Variants in SEC14L5 observed in about 807,000 individuals in gnomAD.
SEC14L5 encodes SEC14 like lipid binding 5, also known as SEC14-like protein 5.
A neutral mutation model predicts 84.6 loss-of-function variants in SEC14L5; 96 were observed. The ratio of observed to expected loss-of-function variants is 1.13; its 90% CI spans 0.96 to 1.34. The LOEUF (loss-of-function observed/expected upper bound fraction) is 1.34, where lower values mean the gene tolerates loss of function less well. Ranked by LOEUF, SEC14L5 falls within the 40% of genes most tolerant of loss-of-function variation. SEC14L5 has a pLI of 0.00. For missense variants in SEC14L5, 1,224 were observed against 942.5 expected (o/e 1.30, Z -3.91); for synonymous variants, 546 against 383.4 (o/e 1.42, Z -4.95).
At chr16:4,966,054 T>A (rs1218906589) in intron 2 of SEC14L5, among the ~76,000 whole-genome samples, 1 of 151,818 alleles carries the variant, frequency 6.6e-6, no homozygotes, top group African/African-American at 2.4e-5. Flanking sequence ...AAAATAAAAT[T>A]AAAAAAAATG....
intron 11 of SEC14L5, 42 bp from the exon 12 acceptor site, chr16:5,005,872 A>AAAGC (rs745510947): frequency 6.7e-7 from 1 of 1,498,948 alleles, no homozygotes; most frequent in African/African-American, 1.4e-5. Flanking sequence ...TCAAAAAAAA[A>AAAGC]AAAAAAAAAA....
intron 6 of SEC14L5, among the ~76,000 whole-genome samples, chr16:4,994,407 G>A (rs1384579620): frequency 6.6e-6 from 1 of 151,870 alleles, no homozygotes; most frequent in South Asian, 2.1e-4. Flanking sequence ...GCAGTGGTGT[G>A]ATCTCAGCTC....
intron 11 of SEC14L5, 92 bp from the exon 12 acceptor site, chr16:5,005,822 C>G: frequency 7.9e-7 from 1 of 1,259,404 alleles, no homozygotes. Flanking sequence ...CAAGATCATG[C>G]CACTGCACTC....
At chr16:4,984,529 C>A (rs910317925) in intron 2 of SEC14L5, among the ~76,000 whole-genome samples, 3 of 152,128 alleles carry the variant, frequency 2.0e-5, no homozygotes, top group Non-Finnish European at 2.9e-5. Context: ...CTTATGTTTT[C>A]ATTTCTCTTG....
In SEC14L5 at chr16:5,017,907, C is replaced by G. The variant is rs543384916; in HGVS notation, c.*2937C>G. 1 of 152,338 alleles carries G rather than the reference C, an allele frequency of 6.6e-6. No individual in the cohort carries two copies. The highest frequency in any genetic ancestry group is 2.1e-4 in the South Asian group (1 of 4,822). 9.4% of individuals were successfully genotyped at this position (152,338 alleles called of 1,614,324 possible). A position where few individuals can be genotyped will look rare whatever the true frequency, so the allele number is the denominator to read the frequency against. On this transcript the variant is annotated 3_prime_UTR_variant, in exon 16 of 16. Transcript: ENST00000251170. ...CCTGAGCCACAAAGGCTGGAAGTGC[C>G]TTGGCTTGGGCTTCTTGCATCATTA...
At position 5,007,477 on chromosome 16, in the gene SEC14L5, C is replaced by A; in HGVS notation, c.1563C>A (p.Ala521=). The change falls in exon 13 of 16, where the codon GCC becomes GCA. Residue 521 remains alanine (A), a synonymous_variant. Coordinates refer to ENST00000251170, the MANE Select transcript of SEC14L5 (RefSeq NM_014692.2). The part of the protein sequence containing the change: ...TYHSASVLRG[A]PHEVAVEILE... ...ATTCAGCCAGCGTGCTCCGCGGAGCCCCCCACGAGGTGCCAGGGCCTGGCC... is the reference window on the plus strand; with the variant it reads ...ATTCAGCCAGCGTGCTCCGCGGAGCACCCCACGAGGTGCCAGGGCCTGGCC... The A allele has an allele frequency of 1.2e-6, 2 of 1,613,362 alleles. No individual in the cohort carries two copies. Among genetic ancestry groups the A allele is most frequent in the African/African-American group, 1.3e-5 (1 of 75,062 alleles).
chr16:4,995,839 T>C (rs1350900437), intron 6 of SEC14L5, among the ~76,000 whole-genome samples: 1 of 152,110 alleles, frequency 6.6e-6, no homozygotes, highest in Non-Finnish European at 1.5e-5. Context: ...TTGGCCAGGC[T>C]GGTCCCAAAA....
At chr16:5,012,876 CAG>C (rs1955821292) in intron 15 of SEC14L5, among the ~76,000 whole-genome samples, 1 of 146,852 alleles carries the variant, frequency 6.8e-6, no homozygotes, top group African/African-American at 2.5e-5. Context: ...GCCTTGGCGA[CAG>C]AGCGAGACTG....
intron 15 of SEC14L5, among the ~76,000 whole-genome samples, chr16:5,011,689 GT>G (rs539224022): frequency 1.6e-3 from 243 of 152,262 alleles, no homozygotes; most frequent in Non-Finnish European, 2.8e-3. Flanking sequence ...AACTGTAATG[GT>G]TAAGACCTCC....
At chr16:5,012,650 A>G (rs886202863) in intron 15 of SEC14L5, among the ~76,000 whole-genome samples, 1 of 152,238 alleles carries the variant, frequency 6.6e-6, no homozygotes, top group Non-Finnish European at 1.5e-5. Flanking sequence ...CACGCCTGTA[A>G]TCCCAGCACT....
At chr16:5,002,534 C>T (rs1324231271) in intron 10 of SEC14L5, among the ~76,000 whole-genome samples, 2 of 151,996 alleles carry the variant, frequency 1.3e-5, no homozygotes, top group African/African-American at 2.4e-5. Flanking sequence ...TTTCTAAGGA[C>T]ACGTATGTTG....
rs1596652193 is a variant in SEC14L5, at chr16:5,018,521, G to A, written c.*3551G>A. 1 of 152,170 alleles carries A rather than the reference G, an allele frequency of 6.6e-6. No individual in the cohort carries two copies. The highest frequency in any genetic ancestry group is 2.4e-5 in the African/African-American group (1 of 41,406). The allele number at this position is 152,170 out of a possible 1,614,324, so 9.4% of individuals were successfully genotyped here. ...GTCTCTACAAAAAATTAAAAAATGA[G>A]CCAGGCGTGGTGGTGCGTGCCTATA... On this transcript the variant is annotated 3_prime_UTR_variant, in exon 16 of 16. Coordinates refer to ENST00000251170, the MANE Select transcript of SEC14L5 (RefSeq NM_014692.2).
intron 12 of SEC14L5, among the ~76,000 whole-genome samples, chr16:5,006,924 C>T (rs2142528341): frequency 6.6e-6 from 1 of 152,020 alleles, no homozygotes; most frequent in South Asian, 2.1e-4. Context: ...GGGGAAATCT[C>T]TCGATGAGCA....
At chr16:4,982,758 G>A (rs1027276461) in intron 2 of SEC14L5, among the ~76,000 whole-genome samples, 8 of 152,156 alleles carry the variant, frequency 5.3e-5, no homozygotes, top group Non-Finnish European at 1.2e-4. Flanking sequence ...TTCTCAGGAC[G>A]ACTGTGTGCA....
At chr16:4,962,175 AAAAAAAAGAAAAAG>A (rs1225370963) in intron 2 of SEC14L5, among the ~76,000 whole-genome samples, 1 of 151,670 alleles carries the variant, frequency 6.6e-6, no homozygotes, top group Non-Finnish European at 1.5e-5. Flanking sequence ...CAAAAAAAAA[AAAAAAAAGAAAAAG>A]AAAAAAAGAA....
chr16:4,994,734 C>G (rs1426579831), intron 6 of SEC14L5, among the ~76,000 whole-genome samples: 1 of 151,586 alleles, frequency 6.6e-6, no homozygotes, highest in Non-Finnish European at 1.5e-5. Flanking sequence ...TGTGCACGCT[C>G]TCTGTGGCCT....
In SEC14L5 at chr16:5,008,595, G is replaced by T. The variant is rs1168069011; in HGVS notation, c.1747G>T (p.Asp583Tyr). 6.2e-7 allele frequency: 1 copy of T among 1,605,318 alleles called. No individual in the cohort carries two copies. Among genetic ancestry groups the T allele is most frequent in the Non-Finnish European group, 8.5e-7 (1 of 1,177,782 alleles). Reference sequence around the variant, plus strand: ...CGACAAAGGCTGGGTCCTGGGCAGGGATTACAGCCGTGTGGAGGCTCCCCT... The same window carrying T: ...CGACAAAGGCTGGGTCCTGGGCAGGTATTACAGCCGTGTGGAGGCTCCCCT... Reference protein sequence around the residue: ...LIDKGWVLGRDYSRVEAPLVC... With the variant: ...LIDKGWVLGRYYSRVEAPLVC... The change falls in exon 14 of 16, where the codon GAT becomes TAT. Residue 583 changes from aspartate (D) to tyrosine (Y), a missense_variant. Coordinates refer to ENST00000251170, the MANE Select transcript of SEC14L5 (RefSeq NM_014692.2).
chr16:4,984,574 T>C (rs1451121013), intron 2 of SEC14L5, among the ~76,000 whole-genome samples: 1 of 152,248 alleles, frequency 6.6e-6, no homozygotes, highest in Non-Finnish European at 1.5e-5. Context: ...CTGGATCATA[T>C]GGTAACTCTT....
intron 2 of SEC14L5, among the ~76,000 whole-genome samples, chr16:4,986,748 C>CT (rs1397687638): frequency 6.6e-6 from 1 of 152,022 alleles, no homozygotes; most frequent in African/African-American, 2.4e-5. Flanking sequence ...TTTTACACTT[C>CT]TTTTTGTTGA....
Sources: gnomAD v4.1 joint callset for allele counts (sites outside exome capture counted in the v4.1 genomes callset) on GRCh38, gnomAD v4.1.1 for gene constraint, MANE v1.5 for transcripts, NCBI Gene and HGNC (gene_info 2026-07-23, HGNC 2026-07-21) for gene names.